Variants in FAM110B observed in about 807,000 individuals in gnomAD.
FAM110B encodes family with sequence similarity 110 member B.
Under a neutral mutation model 20.4 loss-of-function variants are expected in FAM110B, and 6 were observed. The observed-to-expected ratio is 0.29, with a 90% CI of 0.16 to 0.58. The LOEUF (loss-of-function observed/expected upper bound fraction) is 0.58, where lower values mean the gene tolerates loss of function less well. Among genes scored for constraint, FAM110B ranks in the 20% least tolerant of loss-of-function variants. FAM110B has a pLI of 0.90. For missense variants in FAM110B, 434 were observed against 498.2 expected, an observed-to-expected ratio of 0.87 and a Z score of 1.23; for synonymous variants, 226 against 214.1, an observed-to-expected ratio of 1.06 and a Z score of -0.49.
intron 3 of FAM110B, among the ~76,000 whole-genome samples, chr8:58,102,879 TACTC>T (rs1211775779): frequency 6.6e-6 from 1 of 152,018 alleles, no homozygotes; most frequent in Non-Finnish European, 1.5e-5. Flanking sequence ...ACTGATCAGT[TACTC>T]AGGCTAGAAA....
At chr8:57,999,364 C>G (rs1299407942) in intron 1 of FAM110B, among the ~76,000 whole-genome samples, 1 of 152,162 alleles carries the variant, frequency 6.6e-6, no homozygotes. Context: ...TTTAAAAATA[C>G]AATTCACAGA....
intron 1 of FAM110B, among the ~76,000 whole-genome samples, chr8:58,024,368 G>A (rs1804814176): frequency 6.6e-6 from 1 of 152,090 alleles, no homozygotes; most frequent in Non-Finnish European, 1.5e-5. Context: ...GTATAAGCCT[G>A]CCTTTTTTTG....
At chr8:58,145,210 T>G (rs937650115) in intron 3 of FAM110B, among the ~76,000 whole-genome samples, 1 of 152,040 alleles carries the variant, frequency 6.6e-6, no homozygotes. Context: ...TAAAAAAAAA[T>G]AAGCTTGTGT....
chr8:58,123,973 G>A (rs952542409), intron 3 of FAM110B, among the ~76,000 whole-genome samples: 1 of 152,208 alleles, frequency 6.6e-6, no homozygotes, highest in African/African-American at 2.4e-5. Flanking sequence ...CAAAGGATAA[G>A]ATATCCATGT....
chr8:58,137,996 C>T (rs886426629), intron 3 of FAM110B, among the ~76,000 whole-genome samples: 1 of 152,236 alleles, frequency 6.6e-6, no homozygotes, highest in Admixed American at 6.5e-5. Context: ...GAAGAAGCAT[C>T]ATTTTCCCCT....
At chr8:58,073,986 T>A (rs934027291) in intron 2 of FAM110B, among the ~76,000 whole-genome samples, 2 of 152,198 alleles carry the variant, frequency 1.3e-5, no homozygotes, top group African/African-American at 4.8e-5. Context: ...TTTCTACTCC[T>A]ATAGGTCCTG....
At chr8:58,110,273 C>T (rs1052984674) in intron 3 of FAM110B, among the ~76,000 whole-genome samples, 1 of 151,822 alleles carries the variant, frequency 6.6e-6, no homozygotes, top group Non-Finnish European at 1.5e-5. Context: ...TTGCCCCAGA[C>T]CAGAAAGTAC....
intron 3 of FAM110B, among the ~76,000 whole-genome samples, chr8:58,101,461 C>G (rs1507080): frequency 0.061 from 9,275 of 152,212 alleles, 519 homozygotes; most frequent in African/African-American, 0.14. Context: ...AAACTTATGC[C>G]AGCAGTTGTT....
intron 3 of FAM110B, among the ~76,000 whole-genome samples, chr8:58,102,746 A>T (rs969079148): frequency 6.6e-6 from 1 of 152,020 alleles, no homozygotes; most frequent in Non-Finnish European, 1.5e-5. Flanking sequence ...CATAGTTTCC[A>T]GTGGGAGCAT....
chr8:58,048,345 T>C (rs911991102), intron 2 of FAM110B, among the ~76,000 whole-genome samples: 10 of 152,210 alleles, frequency 6.6e-5, no homozygotes, highest in Non-Finnish European at 1.3e-4. Flanking sequence ...ATTATACTTC[T>C]TGGAATTCCT....
At chr8:58,065,859 C>T (rs934226445) in intron 2 of FAM110B, among the ~76,000 whole-genome samples, 2 of 152,104 alleles carry the variant, frequency 1.3e-5, no homozygotes, top group Non-Finnish European at 2.9e-5. Flanking sequence ...ATTTTAAAGC[C>T]GTGTTCAGGT....
intron 1 of FAM110B, among the ~76,000 whole-genome samples, chr8:58,019,233 G>A (rs1804695149): frequency 6.6e-6 from 1 of 150,780 alleles, no homozygotes; most frequent in Admixed American, 6.6e-5. Context: ...AGCTACTCGG[G>A]AGGCTGAGAC....
chr8:58,037,001 A>G (rs930313871), intron 2 of FAM110B, among the ~76,000 whole-genome samples: 1 of 151,942 alleles, frequency 6.6e-6, no homozygotes, highest in Non-Finnish European at 1.5e-5. Flanking sequence ...ATTATTTTTT[A>G]CCTTGTTTCA....
At chr8:57,999,694 C>T (rs958731397) in intron 1 of FAM110B, among the ~76,000 whole-genome samples, 1 of 152,128 alleles carries the variant, frequency 6.6e-6, no homozygotes, top group Non-Finnish European at 1.5e-5. Flanking sequence ...GACAAGGTTC[C>T]TTCCTCTTTG....
chr8:58,011,502 C>T (rs1471663489), intron 1 of FAM110B, among the ~76,000 whole-genome samples: 1 of 152,150 alleles, frequency 6.6e-6, no homozygotes, highest in Non-Finnish European at 1.5e-5. Context: ...AATGCTAAAA[C>T]CTCACCCCAA....
At chr8:58,009,455 C>T (rs1250101795) in intron 1 of FAM110B, among the ~76,000 whole-genome samples, 1 of 152,174 alleles carries the variant, frequency 6.6e-6, no homozygotes, top group African/African-American at 2.4e-5. Context: ...TTGAGATGTC[C>T]TCCTGAAAGT....
At chr8:58,006,607 T>C (rs1426594643) in intron 1 of FAM110B, among the ~76,000 whole-genome samples, 4 of 151,250 alleles carry the variant, frequency 2.6e-5, no homozygotes, top group Non-Finnish European at 5.9e-5. Context: ...TTAATTGATT[T>C]TTTTTTTTTT....
intron 1 of FAM110B, among the ~76,000 whole-genome samples, chr8:57,997,292 T>C (rs1216030216): frequency 6.6e-6 from 1 of 152,268 alleles, no homozygotes; most frequent in Non-Finnish European, 1.5e-5. Flanking sequence ...AACAATCTTT[T>C]TGGGAATACA....
intron 3 of FAM110B, among the ~76,000 whole-genome samples, chr8:58,123,725 T>G (rs1262634544): frequency 6.6e-6 from 1 of 152,224 alleles, no homozygotes; most frequent in Admixed American, 6.5e-5. Flanking sequence ...ATAAATTATT[T>G]GATTAAGCAT....
Sources: gnomAD v4.1 joint callset for allele counts (sites outside exome capture counted in the v4.1 genomes callset) on GRCh38, gnomAD v4.1.1 for gene constraint, MANE v1.5 for transcripts, NCBI Gene and HGNC (gene_info 2026-07-23, HGNC 2026-07-21) for gene names.